The following TNS3 variants were observed in gnomAD, a reference collection of about 807,000 sequenced individuals.
TNS3 encodes tensin-3.
Under a neutral mutation model 140.9 loss-of-function variants are expected in TNS3, and 45 were observed. The ratio of observed to expected loss-of-function variants is 0.32; its 90% CI spans 0.25 to 0.41. The LOEUF (loss-of-function observed/expected upper bound fraction) is 0.41, where lower values mean the gene tolerates loss of function less well. Among genes scored for constraint, TNS3 ranks in the 10% least tolerant of loss-of-function variants. The pLI is 1.00. For missense variants in TNS3, 1,716 were observed against 1,906.7 expected, an observed-to-expected ratio of 0.90 and a Z score of 1.86; for synonymous variants, 815 against 788.4, an observed-to-expected ratio of 1.03 and a Z score of -0.56.
At chr7:47,557,985 G>A (rs1000654233) in intron 1 of TNS3, among the ~76,000 whole-genome samples, 7 of 152,204 alleles carry the variant, frequency 4.6e-5, no homozygotes, top group African/African-American at 9.6e-5. Context: ...TCTGCTGTCT[G>A]CCCATCGTCC....
chr7:47,558,062 C>A (rs1468818407), intron 1 of TNS3, among the ~76,000 whole-genome samples: 2 of 152,200 alleles, frequency 1.3e-5, no homozygotes, highest in African/African-American at 4.8e-5. Flanking sequence ...GGCCTGAGCA[C>A]ACGAGGCAGG....
intron 4 of TNS3, among the ~76,000 whole-genome samples, chr7:47,456,986 C>CT (rs543594129): frequency 2.6e-5 from 4 of 151,648 alleles, no homozygotes; most frequent in Non-Finnish European, 5.9e-5. Flanking sequence ...ATCATAGTAA[C>CT]TTTCTCCCTA....
chr7:47,404,706 G>A (rs1793347623), intron 13 of TNS3, among the ~76,000 whole-genome samples: 1 of 152,082 alleles, frequency 6.6e-6, no homozygotes, highest in Admixed American at 6.6e-5. Flanking sequence ...CTAACATGGT[G>A]AAACCCCGTC....
intron 4 of TNS3, chr7:47,470,659 T>C: frequency 1.0e-6 from 1 of 985,298 alleles, no homozygotes; most frequent in Non-Finnish European, 1.2e-6. Context: ...ACGCAGGTAA[T>C]GGTCAGGGCT....
intron 20 of TNS3, among the ~76,000 whole-genome samples, chr7:47,332,119 G>A (rs1164783179): frequency 6.6e-6 from 1 of 152,224 alleles, no homozygotes; most frequent in African/African-American, 2.4e-5. Context: ...ATTTTGGCCA[G>A]GAATCACAGC....
intron 17 of TNS3, among the ~76,000 whole-genome samples, chr7:47,347,241 C>T (rs1205651608): frequency 6.6e-6 from 1 of 152,218 alleles, no homozygotes; most frequent in Non-Finnish European, 1.5e-5. Context: ...GATTCATAAA[C>T]ATGAGTGGCC....
chr7:47,453,055 G>A (rs998912382), intron 4 of TNS3: 44 of 985,284 alleles, frequency 4.5e-5, no homozygotes, highest in South Asian at 9.4e-5. Flanking sequence ...TTAATGTCTC[G>A]GCAGCTCTGG....
intron 4 of TNS3, among the ~76,000 whole-genome samples, chr7:47,473,638 G>A (rs756082293): frequency 2.6e-5 from 4 of 152,170 alleles, no homozygotes; most frequent in Non-Finnish European, 5.9e-5. Context: ...GGGCCGTGAG[G>A]ACAAGAAATG....
At chr7:47,353,028 C>T (rs141773582) in intron 17 of TNS3, among the ~76,000 whole-genome samples, 1 of 152,330 alleles carries the variant, frequency 6.6e-6, no homozygotes, top group East Asian at 1.9e-4. Flanking sequence ...GACATTTCCT[C>T]AGGCGGTTCA....
At chr7:47,393,702 T>C (rs759056393) in intron 16 of TNS3, among the ~76,000 whole-genome samples, 12 of 151,946 alleles carry the variant, frequency 7.9e-5, no homozygotes, top group Non-Finnish European at 1.5e-4. Flanking sequence ...ATAAAGGGGG[T>C]CTCTGCTGCT....
intron 3 of TNS3, among the ~76,000 whole-genome samples, chr7:47,493,201 T>C (rs1007492969): frequency 7.2e-5 from 11 of 152,148 alleles, no homozygotes; most frequent in Non-Finnish European, 1.5e-4. Context: ...AGAAAAGGAA[T>C]AGCACAAATA....
intron 27 of TNS3, among the ~76,000 whole-genome samples, chr7:47,289,740 C>CA (rs1785596877): frequency 6.6e-6 from 1 of 152,088 alleles, no homozygotes; most frequent in African/African-American, 2.4e-5. Flanking sequence ...ATGAAAGATA[C>CA]AAAAAACTAA....
At chr7:47,537,228 G>A (rs1799633895) in intron 1 of TNS3, among the ~76,000 whole-genome samples, 1 of 152,068 alleles carries the variant, frequency 6.6e-6, no homozygotes, top group African/African-American at 2.4e-5. Flanking sequence ...CAAGTCCCAG[G>A]AAATGGCCAA....
intron 2 of TNS3, among the ~76,000 whole-genome samples, chr7:47,525,416 C>T (rs996344215): frequency 3.9e-5 from 6 of 152,240 alleles, no homozygotes; most frequent in Non-Finnish European, 8.8e-5. Context: ...CTTACTGCAT[C>T]TTCCTTAACA....
At chr7:47,351,602 C>T (rs1789676355) in intron 17 of TNS3, among the ~76,000 whole-genome samples, 1 of 152,156 alleles carries the variant, frequency 6.6e-6, no homozygotes, top group Admixed American at 6.5e-5. Context: ...CCAGTCAAGG[C>T]TCCGGTGCCA....
intron 4 of TNS3, among the ~76,000 whole-genome samples, chr7:47,479,701 A>T (rs1185206870): frequency 3.3e-5 from 5 of 152,232 alleles, no homozygotes; most frequent in African/African-American, 1.2e-4. Flanking sequence ...TCAAATGCAT[A>T]CTTTGCTCTT....
chr7:47,360,689 T>C (rs1790262488), intron 17 of TNS3, among the ~76,000 whole-genome samples: 1 of 152,106 alleles, frequency 6.6e-6, no homozygotes, highest in East Asian at 1.9e-4. Flanking sequence ...TCAGCCCTGG[T>C]CTCTTGCTGA....
At chr7:47,303,653 T>C (rs1402497697) in intron 21 of TNS3, 69 bp from the exon 22 acceptor site, 1 of 1,477,812 alleles carries the variant, frequency 6.8e-7, no homozygotes, top group East Asian at 2.5e-5. Context: ...CCAGCAAGCG[T>C]CACCCACACG....
In TNS3 at chr7:47,275,291, T is replaced by C. The variant is rs998192272; in HGVS notation, c.*2785A>G. 3 of 152,676 alleles carry C rather than the reference T, an allele frequency of 2.0e-5. No homozygotes were observed. The highest frequency in any genetic ancestry group is 4.8e-5 in the African/African-American group (2 of 41,440). 9.5% of individuals were successfully genotyped at this position (152,676 alleles called of 1,614,324 possible). On this transcript the variant is annotated 3_prime_UTR_variant, in exon 31 of 31. Transcript: ENST00000311160. ...TTACAGTATCAGAAAAGTAAAAATA[T>C]GCACTAACAAGGCAGAGAAGACGTT...
Sources: gnomAD v4.1 joint callset for allele counts (sites outside exome capture counted in the v4.1 genomes callset) on GRCh38, gnomAD v4.1.1 for gene constraint, MANE v1.5 for transcripts, NCBI Gene and HGNC (gene_info 2026-07-23, HGNC 2026-07-21) for gene names.